Variants in ARHGEF12 observed in about 807,000 individuals in gnomAD.
ARHGEF12 encodes KMT2A/ARHGEF12 fusion protein.
A neutral mutation model predicts 211.2 loss-of-function variants in ARHGEF12; 66 were observed. The ratio of observed to expected loss-of-function variants is 0.31; its 90% CI spans 0.26 to 0.38. The LOEUF is 0.38. Ranked by LOEUF, ARHGEF12 falls within the 10% of genes least tolerant of loss-of-function variation. ARHGEF12 has a pLI of 1.00. For synonymous variants in ARHGEF12, 592 were observed against 638.4 expected, an observed-to-expected ratio of 0.93 and a Z score of 1.09; for missense variants, 1,429 against 1,869.5, an observed-to-expected ratio of 0.76 and a Z score of 4.34.
chr11:120,458,221 G>C lies in ARHGEF12; in HGVS notation c.2367G>C (p.Gln789His). Reference protein sequence around the residue: ...LGLKPCEIKRQEVINELFYTE... With the variant: ...LGLKPCEIKRHEVINELFYTE... ...TAAAACCTTGTGAAATCAAAAGACA[G>C]GAAGTGATTAATGGTGAGTGTAATC... The change falls in exon 25 of 41, where the codon CAG becomes CAC. Residue 789 changes from glutamine (Q) to histidine (H), a missense_variant. This residue lies in a region of ARHGEF12 where 223 missense variants were observed against 444.6 expected (regional missense o/e 0.50). Coordinates refer to ENST00000397843, the MANE Select transcript of ARHGEF12 (RefSeq NM_015313.3). 6.2e-7 allele frequency: 1 copy of C among 1,613,632 alleles called. No individual in the cohort carries two copies. Among genetic ancestry groups the C allele is most frequent in the Non-Finnish European group, 8.5e-7 (1 of 1,179,772 alleles).
intron 1 of ARHGEF12, among the ~76,000 whole-genome samples, chr11:120,347,774 T>C (rs1276427215): frequency 6.6e-6 from 1 of 152,186 alleles, no homozygotes; most frequent in Non-Finnish European, 1.5e-5. Flanking sequence ...CATTCTGTTA[T>C]GGATCTAGGA....
chr11:120,457,103 G>A lies in ARHGEF12; in HGVS notation c.2057-15G>A, dbSNP rs370906478. The A allele has an allele frequency of 3.7e-6, 6 of 1,612,620 alleles. No individual in the cohort carries two copies. Among genetic ancestry groups the A allele is most frequent in the Non-Finnish European group, 5.1e-6 (6 of 1,179,508 alleles). On this transcript the variant is annotated splice_polypyrimidine_tract_variant and intron_variant, in intron 22 of 40. Transcript: ENST00000397843. ...AAGTATTAACACTCTTCAAATGTCT[G>A]ACTTTTGTCTACAGGATCAAAGCAA...
chr11:120,460,886 G>A (rs1201915541), intron 27 of ARHGEF12, 129 bp downstream of exon 27: 2 of 781,274 alleles, frequency 2.6e-6, no homozygotes, highest in East Asian at 5.1e-5. Context: ...GCTGAGAAAG[G>A]TCAAGCAGTA....
At position 120,407,895 on chromosome 11, in the gene ARHGEF12, C is replaced by G. The variant is rs538147776; in HGVS notation, c.142+72C>G. The G allele has an allele frequency of 1.4e-5, 18 of 1,273,016 alleles. No homozygotes were observed. In the African/African-American group the frequency reaches 2.1e-4, roughly 15 times the overall value. The allele number at this position is 1,273,016 out of a possible 1,614,324, so 78.9% of individuals were successfully genotyped here. ...TCAGAATAATAGAGCTTAAGCTACC[C>G]GAAACACTCAGGAATAGTTGTTTGA... On this transcript the variant is annotated intron_variant, in intron 3 of 40. Coordinates refer to ENST00000397843, the MANE Select transcript of ARHGEF12 (RefSeq NM_015313.3).
chr11:120,431,740 T>C, intron 10 of ARHGEF12, 31 bp from the exon 11 acceptor site: 1 of 1,545,978 alleles, frequency 6.5e-7, no homozygotes, highest in East Asian at 2.3e-5. Flanking sequence ...TATGTGTTTG[T>C]GTGCGCGTGT....
intron 27 of ARHGEF12, 29 bp downstream of exon 27, chr11:120,460,786 A>G (rs1565499509): frequency 6.4e-7 from 1 of 1,558,718 alleles, no homozygotes. Flanking sequence ...TCTTTTTAAT[A>G]TTTTTATGGA....
At chr11:120,429,921 A>G in intron 10 of ARHGEF12, 90 bp downstream of exon 10, 1 of 1,453,284 alleles carries the variant, frequency 6.9e-7, no homozygotes, top group Non-Finnish European at 9.2e-7. Context: ...TGCCTTTTTT[A>G]AAGTTATTTT....
At position 120,347,045 on chromosome 11, in the gene ARHGEF12, C is replaced by CT. The variant is rs199927696; in HGVS notation, c.32+9772dup. Among the ~76,000 whole-genome samples, 919 of 152,154 alleles carry CT rather than the reference C, an allele frequency of 6.0e-3. 9 individuals are homozygous for CT. The highest frequency in any genetic ancestry group is 0.022 in the African/African-American group (896 of 41,482). ...CGTATCTAGAATTTGACAGCCTGAA[C>CT]TTGTTTTGATTTCATTTTGAGTATT... On this transcript the variant is annotated intron_variant, in intron 1 of 40. Transcript: ENST00000397843.
chr11:120,484,552 C>T lies in ARHGEF12; in HGVS notation c.4624+45C>T, dbSNP rs748898552. ...TCCAGACTCTAGACTAATCATCCTA[C>T]ACTGAATGAAATGACTTATCATACT... On this transcript the variant is annotated intron_variant, in intron 40 of 40. Transcript: ENST00000397843. 7 of 1,470,104 alleles carry T rather than the reference C, an allele frequency of 4.8e-6. No individual in the cohort carries two copies. In the African/African-American group the frequency reaches 8.4e-5, roughly 18 times the overall value. 91.1% of individuals were successfully genotyped at this position (1,470,104 alleles called of 1,614,324 possible). A position where few individuals can be genotyped will look rare whatever the true frequency, so the allele number is the denominator to read the frequency against.
chr11:120,487,960 G>T lies in ARHGEF12; in HGVS notation c.*2883G>T, dbSNP rs1947438065. ...TACATTGGCTTTTAGAACCGAAATT[G>T]TAACTATGTATTGTATTTCATGGGA... is the stretch of plus-strand genomic sequence containing the variant. On this transcript the variant is annotated 3_prime_UTR_variant, in exon 41 of 41. Transcript: ENST00000397843. 2 of 220,602 alleles carry T rather than the reference G, an allele frequency of 9.1e-6. No homozygotes were observed. The highest frequency in any genetic ancestry group is 4.5e-5 in the African/African-American group (2 of 44,676). 13.7% of individuals were successfully genotyped at this position (220,602 alleles called of 1,614,324 possible).
intron 12 of ARHGEF12, chr11:120,439,862 G>A (rs983830916): frequency 1.1e-5 from 4 of 375,754 alleles, no homozygotes; most frequent in Non-Finnish European, 1.4e-5. Context: ...AGTGTATAGT[G>A]AGCAAAGGAT....
At chr11:120,445,972 C>T (rs1221826951) in intron 16 of ARHGEF12, among the ~76,000 whole-genome samples, 4 of 151,810 alleles carry the variant, frequency 2.6e-5, no homozygotes, top group South Asian at 2.1e-4. Context: ...GAGGCCGAGG[C>T]GGGTGGATCA....
chr11:120,377,937 A>G (rs192013799), intron 1 of ARHGEF12, among the ~76,000 whole-genome samples: 76 of 151,610 alleles, frequency 5.0e-4, no homozygotes, highest in African/African-American at 1.5e-3. Context: ...AAATTCTTTT[A>G]TTTATTTTTT....
chr11:120,348,011 T>C (rs952810829), intron 1 of ARHGEF12, among the ~76,000 whole-genome samples: 2 of 152,358 alleles, frequency 1.3e-5, no homozygotes, highest in African/African-American at 4.8e-5. Flanking sequence ...TTAACTAGCT[T>C]CTTTCATTGT....
chr11:120,428,714 T>C (rs146254790), intron 8 of ARHGEF12, among the ~76,000 whole-genome samples: 1 of 152,222 alleles, frequency 6.6e-6, no homozygotes, highest in Non-Finnish European at 1.5e-5. Context: ...AAATGCTAAG[T>C]TCTATGAGGA....
chr11:120,354,039 A>T lies in ARHGEF12; in HGVS notation c.32+16764A>T, dbSNP rs553849164. Among the ~76,000 whole-genome samples, 3 of 152,242 alleles carry T rather than the reference A, an allele frequency of 2.0e-5. No individual in the cohort carries two copies. The South Asian group carries it at 6.2e-4, about 32-fold the overall frequency. On this transcript the variant is annotated intron_variant, in intron 1 of 40. Coordinates refer to ENST00000397843, the MANE Select transcript of ARHGEF12 (RefSeq NM_015313.3). The stretch of plus-strand genomic sequence containing the variant: ...GGAGCCCAGAGGAGGAAGCGGGACC[A>T]TACCTGGAGGGGCTGCCTCTGATCT...
chr11:120,446,359 C>T, intron 16 of ARHGEF12, 44 bp from the exon 17 acceptor site: 1 of 1,484,202 alleles, frequency 6.7e-7, no homozygotes, highest in African/African-American at 1.4e-5. Flanking sequence ...TGTATGTTGC[C>T]CAGAACATAC....
At chr11:120,354,659 A>G (rs1275312034) in intron 1 of ARHGEF12, among the ~76,000 whole-genome samples, 2 of 152,212 alleles carry the variant, frequency 1.3e-5, no homozygotes, top group African/African-American at 4.8e-5. Context: ...AACCCCAGAA[A>G]ATCTAGAAGA....
intron 1 of ARHGEF12, among the ~76,000 whole-genome samples, chr11:120,405,003 A>G (rs186510627): frequency 3.2e-4 from 48 of 152,298 alleles, no homozygotes; most frequent in African/African-American, 1.1e-3. Flanking sequence ...GTAAGTTAAC[A>G]TGCTATCACT....
Sources: gnomAD v4.1 joint callset for allele counts (sites outside exome capture counted in the v4.1 genomes callset) on GRCh38, gnomAD v4.1.1 for gene constraint, gnomAD v4.1.1 regional missense constraint, MANE v1.5 for transcripts, NCBI Gene and HGNC (gene_info 2026-07-23, HGNC 2026-07-21) for gene names.